Variants in CDCA7 observed in about 807,000 individuals in gnomAD.
CDCA7 encodes cell division cycle-associated protein 7.
CDCA7 carries 28 observed loss-of-function variants against 54.0 expected under a neutral mutation model. That is an observed-to-expected ratio of 0.52 (90% CI 0.38 to 0.71). The LOEUF (loss-of-function observed/expected upper bound fraction) is 0.71. Among genes scored for constraint, CDCA7 ranks in the 30% least tolerant of loss-of-function variants. CDCA7 has a pLI of 0.00. For missense variants in CDCA7, 484 were observed against 586.0 expected (o/e 0.83, Z 1.80); for synonymous variants, 180 against 208.2 (o/e 0.86, Z 1.16).
intron 8 of CDCA7, 59 bp from the exon 9 acceptor site, chr2:173,367,091 T>G: frequency 6.5e-7 from 1 of 1,529,822 alleles, no homozygotes; most frequent in East Asian, 2.3e-5. Flanking sequence ...GTAATGTAGA[T>G]AAGTTGGTGG....
intron 2 of CDCA7, among the ~76,000 whole-genome samples, 185 bp from the exon 3 acceptor site, chr2:173,359,070 G>A (rs1052401442): frequency 2.0e-5 from 3 of 152,158 alleles, no homozygotes; most frequent in African/African-American, 7.2e-5. Flanking sequence ...AACCTAACAT[G>A]CATGATGATT....
rs761608066 is a variant in CDCA7 at position 173,359,433 on chromosome 2, C to A, written c.326C>A (p.Ala109Asp). Residue 109 changes from alanine (A) to aspartate (D), a missense_variant, in exon 3 of 10, where the codon GCC becomes GAC. Physicochemically the swap from Ala to Asp is moderately radical, Grantham distance 126. Transcript: ENST00000306721. ...VTNELAGIFH[A>D]DSDDESFCGF... ...AACGAACTGGCCGGTATTTTTCATG[C>A]CGACTCTGACGATGAATCATTTTGC... The A allele has an allele frequency of 6.2e-7, 1 of 1,614,110 alleles. No homozygotes were observed. The highest frequency in any genetic ancestry group is 2.2e-5 in the East Asian group (1 of 44,874).
Position 173,367,928 on chromosome 2 carries a change from A to G in CDCA7, c.*264A>G, listed in dbSNP as rs1401998929. On this transcript the variant is annotated 3_prime_UTR_variant, in exon 10 of 10. Coordinates refer to ENST00000306721, the MANE Select transcript of CDCA7 (RefSeq NM_031942.5). ...CCTCTATTTCCAATGCTCCTCTCCAACCGCTTAGTTTCTGAATTTCTTTTA... is the reference window on the plus strand; with the variant it reads ...CCTCTATTTCCAATGCTCCTCTCCAGCCGCTTAGTTTCTGAATTTCTTTTA... 1 of 507,186 alleles carries G rather than the reference A, an allele frequency of 2.0e-6. No individual in the cohort carries two copies. Among genetic ancestry groups the G allele is most frequent in the Admixed American group, 3.6e-5 (1 of 28,168 alleles). The allele number at this position is 507,186 out of a possible 1,614,324, so 31.4% of individuals were successfully genotyped here. A position where few individuals can be genotyped will look rare whatever the true frequency, so the allele number is the denominator to read the frequency against.
chr2:173,358,199 C>CAAA (rs369867435), intron 1 of CDCA7, among the ~76,000 whole-genome samples: 1,834 of 107,196 alleles, frequency 0.017, 55 homozygotes, highest in African/African-American at 0.066. Flanking sequence ...GACTCCGTCT[C>CAAA]AAAAAAAAAA....
At chr2:173,363,939 A>G in intron 5 of CDCA7, 44 bp downstream of exon 5, 1 of 1,522,054 alleles carries the variant, frequency 6.6e-7, no homozygotes, top group Non-Finnish European at 9.1e-7. Context: ...TTTTGGGCAC[A>G]CCTAAGGTCG....
chr2:173,363,667 G>A (rs1246693124), intron 4 of CDCA7, 151 bp from the exon 5 acceptor site: 1 of 911,250 alleles, frequency 1.1e-6, no homozygotes, highest in Non-Finnish European at 1.7e-6. Flanking sequence ...GCCTGGTTAA[G>A]TGTATAGGGG....
chr2:173,367,288 T>C lies in CDCA7; in HGVS notation c.1322+2T>C. ...GAATGTGCATGCCTACTTGAAAAGG[T>C]AGTGGGTGTTTTTTTTTCCCTTCCA... On this transcript the variant is annotated splice_donor_variant, in intron 9 of 9. Transcript: ENST00000306721. LOFTEE classifies it high-confidence loss of function. The C allele has an allele frequency of 6.2e-7, 1 of 1,613,976 alleles. No individual in the cohort carries two copies. Among genetic ancestry groups the C allele is most frequent in the Non-Finnish European group, 8.5e-7 (1 of 1,179,978 alleles).
At chr2:173,358,941 T>C in intron 2 of CDCA7, 104 bp downstream of exon 2, 1 of 1,441,590 alleles carries the variant, frequency 6.9e-7, no homozygotes, top group Non-Finnish European at 9.4e-7. Context: ...TACATTTCTA[T>C]ACAGCCGTTA....
chr2:173,364,695 C>T (rs1054987369), intron 5 of CDCA7, 100 bp from the exon 6 acceptor site: 1 of 1,488,190 alleles, frequency 6.7e-7, no homozygotes, highest in South Asian at 1.4e-5. Flanking sequence ...ATAGAGCTCT[C>T]TTTACTTAAA....
chr2:173,367,684 CT>C lies in CDCA7; in HGVS notation c.*21del. The C allele has an allele frequency of 1.9e-6, 3 of 1,613,598 alleles. No homozygotes were observed. The highest frequency in any genetic ancestry group is 1.7e-6 in the Non-Finnish European group (2 of 1,179,584). On this transcript the variant is annotated 3_prime_UTR_variant, in exon 10 of 10. Coordinates refer to ENST00000306721, the MANE Select transcript of CDCA7 (RefSeq NM_031942.5). ...GCATAATATCTGGAAAATTTGCTGC[CT>C]GCCTTCTACTTCTCAAATCTTTCTT...
rs1686766022 is a variant in CDCA7, at chr2:173,368,679, G to A, written c.*1015G>A. On this transcript the variant is annotated 3_prime_UTR_variant, in exon 10 of 10. Coordinates refer to ENST00000306721, the MANE Select transcript of CDCA7 (RefSeq NM_031942.5). ...TCTCTGCCAGTCTAGTTTCTGGGCA[G>A]GTTTCCTGTGTCAGTATTCCCCCTC... 1 of 152,176 alleles carries A rather than the reference G, an allele frequency of 6.6e-6. No individual in the cohort carries two copies. The highest frequency in any genetic ancestry group is 6.5e-5 in the Admixed American group (1 of 15,276). 9.4% of individuals were successfully genotyped at this position (152,176 alleles called of 1,614,324 possible).
In CDCA7 at chr2:173,363,586, C is replaced by T; in HGVS notation, c.621+124C>T. 9 of 1,027,490 alleles carry T rather than the reference C, an allele frequency of 8.8e-6. No homozygotes were observed. In the South Asian group the frequency reaches 1.4e-4, roughly 16 times the overall value. The allele number at this position is 1,027,490 out of a possible 1,614,324, so 63.6% of individuals were successfully genotyped here. A position where few individuals can be genotyped will look rare whatever the true frequency, so the allele number is the denominator to read the frequency against. ...TGAATAAAAAGTTATTTTTGTTTAC[C>T]TGTGAAGTCTTCAATGTGTGCCTCA... On this transcript the variant is annotated intron_variant, in intron 4 of 9. Coordinates refer to ENST00000306721, the MANE Select transcript of CDCA7 (RefSeq NM_031942.5).
intron 1 of CDCA7, among the ~76,000 whole-genome samples, chr2:173,355,570 G>A (rs371702088): frequency 6.6e-6 from 1 of 152,210 alleles, no homozygotes; most frequent in South Asian, 2.1e-4. Context: ...TGAAGCGACC[G>A]TAGTCCCGGG....
Position 173,363,807 on chromosome 2 carries a change from T to A in CDCA7, c.622-11T>A, listed in dbSNP as rs1300124176. On this transcript the variant is annotated splice_polypyrimidine_tract_variant and intron_variant, in intron 4 of 9. Transcript: ENST00000306721. ...AGCCAATGATATCAGTTTAATTTCC[T>A]CCCTTTTTAGCTTGCAAAACTCATG... 6.2e-7 allele frequency: 1 copy of A among 1,613,652 alleles called. No individual in the cohort carries two copies. The highest frequency in any genetic ancestry group is 1.7e-5 in the Admixed American group (1 of 59,948).
chr2:173,359,221 A>G (rs748642254), intron 2 of CDCA7, 34 bp from the exon 3 acceptor site: 2 of 1,569,944 alleles, frequency 1.3e-6, no homozygotes, highest in South Asian at 2.3e-5. Flanking sequence ...AAAGAAAAAA[A>G]ATGCACAACC....
chr2:173,368,235 C>G lies in CDCA7; in HGVS notation c.*571C>G, dbSNP rs1686759059. The G allele has an allele frequency of 6.5e-6, 1 of 153,034 alleles. No individual in the cohort carries two copies. The highest frequency in any genetic ancestry group is 1.9e-4 in the East Asian group (1 of 5,196). The allele number at this position is 153,034 out of a possible 1,614,324, so 9.5% of individuals were successfully genotyped here. A position where few individuals can be genotyped will look rare whatever the true frequency, so the allele number is the denominator to read the frequency against. ...AATCCCATGTATTGCGCTTATGTTACAAGTTGTTGTCACAGTTGAGACTTA... is the reference window on the plus strand; with the variant it reads ...AATCCCATGTATTGCGCTTATGTTAGAAGTTGTTGTCACAGTTGAGACTTA... On this transcript the variant is annotated 3_prime_UTR_variant, in exon 10 of 10. Transcript: ENST00000306721.
In CDCA7 at chr2:173,365,491, G is replaced by A. The variant is rs181471885; in HGVS notation, c.934G>A (p.Val312Met). 5.3e-5 allele frequency: 86 copies of A among 1,614,122 alleles called. No individual in the cohort carries two copies. Among genetic ancestry groups the A allele is most frequent in the Non-Finnish European group, 6.9e-5 (81 of 1,180,018 alleles). ...CAGAAGCCGTCGCTCCAGATCATCCGTGACCCTTCCGCATATAATTCGCCC... is the reference window on the plus strand; with the variant it reads ...CAGAAGCCGTCGCTCCAGATCATCCATGACCCTTCCGCATATAATTCGCCC... ...LPRSRRSRSS[V>M]TLPHIIRPVE... Residue 312 changes from valine to methionine, a missense_variant, in exon 7 of 10, where the codon GTG becomes ATG. Around this residue, in one of 3 missense-constraint regions of CDCA7, gnomAD observed 398 missense variants for 447.4 expected, o/e 0.89. Transcript: ENST00000306721.
intron 1 of CDCA7, among the ~76,000 whole-genome samples, chr2:173,356,940 A>G (rs1428641747): frequency 6.6e-6 from 1 of 152,242 alleles, no homozygotes; most frequent in African/African-American, 2.4e-5. Context: ...GAGTGCCATC[A>G]TCATGAAAAT....
intron 1 of CDCA7, 71 bp from the exon 2 acceptor site, chr2:173,358,641 A>G (rs1428461261): frequency 1.5e-6 from 2 of 1,315,300 alleles, no homozygotes; most frequent in Admixed American, 2.3e-5. Context: ...CTACTAAACT[A>G]AAAAAAAATG....
Sources: gnomAD v4.1 joint callset for allele counts (sites outside exome capture counted in the v4.1 genomes callset) on GRCh38, gnomAD v4.1.1 for gene constraint, gnomAD v4.1.1 regional missense constraint, MANE v1.5 for transcripts, NCBI Gene and HGNC (gene_info 2026-07-23, HGNC 2026-07-21) for gene names.